The following PPP6R3 variants were observed in gnomAD, a reference collection of about 807,000 sequenced individuals.
PPP6R3 encodes protein phosphatase 6 regulatory subunit 3.
PPP6R3 carries 38 observed loss-of-function variants against 110.7 expected under a neutral mutation model. The ratio of observed to expected loss-of-function variants is 0.34; its 90% CI spans 0.26 to 0.45. The LOEUF is 0.45. Among genes scored for constraint, PPP6R3 ranks in the 20% least tolerant of loss-of-function variants. The pLI is 1.00. For missense variants in PPP6R3, 870 were observed against 1,062.4 expected (o/e 0.82, Z 2.52); for synonymous variants, 369 against 373.5 (o/e 0.99, Z 0.14).
At chr11:68,569,099 G>A (rs780153387) in intron 10 of PPP6R3, among the ~76,000 whole-genome samples, 10 of 152,022 alleles carry the variant, frequency 6.6e-5, no homozygotes, top group Non-Finnish European at 1.3e-4. Context: ...AATTTACCAC[G>A]CTAACTATTT....
intron 1 of PPP6R3, among the ~76,000 whole-genome samples, chr11:68,482,121 G>A (rs1337955409): frequency 1.3e-5 from 2 of 150,042 alleles, no homozygotes; most frequent in African/African-American, 4.9e-5. Context: ...GCTCATGCCT[G>A]TAGTCCCAGC....
chr11:68,558,913 T>G (rs978259339), intron 8 of PPP6R3, among the ~76,000 whole-genome samples: 5 of 152,110 alleles, frequency 3.3e-5, no homozygotes, highest in African/African-American at 1.2e-4. Context: ...TAGTCATATA[T>G]TTTTTTGGTA....
intron 15 of PPP6R3, among the ~76,000 whole-genome samples, chr11:68,585,124 G>A (rs1434626537): frequency 6.6e-6 from 1 of 152,216 alleles, no homozygotes; most frequent in Non-Finnish European, 1.5e-5. Context: ...CCAGTGGGGA[G>A]TGCCTCCAGG....
At chr11:68,476,660 T>A (rs1178201182) in intron 1 of PPP6R3, among the ~76,000 whole-genome samples, 1 of 152,174 alleles carries the variant, frequency 6.6e-6, no homozygotes. Context: ...TATATTCAGA[T>A]TTTCATTATG....
intron 12 of PPP6R3, among the ~76,000 whole-genome samples, chr11:68,571,397 A>G (rs1037253214): frequency 2.0e-5 from 3 of 152,194 alleles, no homozygotes; most frequent in African/African-American, 4.8e-5. Flanking sequence ...TCTAAGAGTT[A>G]TAAGGTTAAA....
rs759209411 is a variant in PPP6R3 at position 68,614,067 on chromosome 11, C to T, written c.*950C>T. The T allele has an allele frequency of 1.8e-4, 173 of 985,684 alleles. No homozygotes were observed. The highest frequency in any genetic ancestry group is 2.0e-4 in the Non-Finnish European group (166 of 829,960). The allele number at this position is 985,684 out of a possible 1,614,324, so 61.1% of individuals were successfully genotyped here. On this transcript the variant is annotated 3_prime_UTR_variant, in exon 24 of 24. Transcript: ENST00000393800. ...CAGACCTAAAATAAATCCTATTAGG[C>T]AAGTCAGTTGAAAATGCTCGTGCTG...
intron 11 of PPP6R3, among the ~76,000 whole-genome samples, chr11:68,570,788 T>C (rs1273843921): frequency 6.6e-6 from 1 of 152,232 alleles, no homozygotes; most frequent in East Asian, 1.9e-4. Flanking sequence ...TAGTTAACTA[T>C]AGGTAGTTAA....
chr11:68,493,254 A>G (rs1486143722), intron 1 of PPP6R3, among the ~76,000 whole-genome samples: 1 of 152,200 alleles, frequency 6.6e-6, no homozygotes, highest in East Asian at 1.9e-4. Flanking sequence ...GGGAAGGATA[A>G]CAGTTATTTT....
At chr11:68,487,978 A>G (rs1422005650) in intron 1 of PPP6R3, among the ~76,000 whole-genome samples, 1 of 152,172 alleles carries the variant, frequency 6.6e-6, no homozygotes, top group African/African-American at 2.4e-5. Context: ...TCCAACTATA[A>G]TAGTAGATTC....
chr11:68,581,944 G>A (rs1316096752), intron 14 of PPP6R3, among the ~76,000 whole-genome samples: 1 of 152,198 alleles, frequency 6.6e-6, no homozygotes, highest in African/African-American at 2.4e-5. Context: ...AAGATGGTTG[G>A]GGAAAGGAAG....
At chr11:68,483,247 A>G (rs910569192) in intron 1 of PPP6R3, among the ~76,000 whole-genome samples, 1 of 152,256 alleles carries the variant, frequency 6.6e-6, no homozygotes. Context: ...TTGCTTTTAA[A>G]TTCTATAAAT....
chr11:68,496,019 C>T (rs1176034610), intron 1 of PPP6R3, among the ~76,000 whole-genome samples: 1 of 152,160 alleles, frequency 6.6e-6, no homozygotes, highest in Non-Finnish European at 1.5e-5. Context: ...GCGTCTCACT[C>T]TGTTGCCCAG....
intron 1 of PPP6R3, among the ~76,000 whole-genome samples, chr11:68,465,506 A>G (rs1169066328): frequency 6.6e-6 from 1 of 152,254 alleles, no homozygotes; most frequent in Non-Finnish European, 1.5e-5. Context: ...AAATGTTAAT[A>G]TCTGAAGTTA....
intron 1 of PPP6R3, among the ~76,000 whole-genome samples, chr11:68,478,647 G>GTTTTTTTT (rs769296530): frequency 0.2 from 10,003 of 50,336 alleles, 4,066 homozygotes; most frequent in South Asian, 0.37. Flanking sequence ...CACTTGGTAA[G>GTTTTTTTT]TTTTTTTTTT....
intron 20 of PPP6R3, among the ~76,000 whole-genome samples, chr11:68,601,286 C>G (rs909680844): frequency 6.6e-6 from 1 of 152,142 alleles, no homozygotes; most frequent in African/African-American, 2.4e-5. Context: ...CAGCTTGCTT[C>G]TCTTTACCCT....
intron 8 of PPP6R3, among the ~76,000 whole-genome samples, chr11:68,562,453 A>G (rs373552700): frequency 6.6e-6 from 1 of 152,358 alleles, no homozygotes. Context: ...AAACTTGCAC[A>G]AGAATCAAAG....
intron 2 of PPP6R3, among the ~76,000 whole-genome samples, chr11:68,523,054 T>G (rs2099171576): frequency 6.6e-6 from 1 of 152,244 alleles, no homozygotes; most frequent in Non-Finnish European, 1.5e-5. Context: ...TGGCTTCTAA[T>G]TATGAAGAGG....
Position 68,602,714 on chromosome 11 carries a change from C to T in PPP6R3, c.2300-628C>T, listed in dbSNP as rs907970361. On this transcript the variant is annotated intron_variant, in intron 21 of 23. Coordinates refer to ENST00000393800, the MANE Select transcript of PPP6R3 (RefSeq NM_001164161.2). The stretch of plus-strand genomic sequence containing the variant: ...TCCTCCTGAACATTTGATACAGATT[C>T]CCGCATTTGACTCCTCAGTGGTTCT... Among the ~76,000 whole-genome samples, 10 of 152,132 alleles carry T rather than the reference C, an allele frequency of 6.6e-5. No individual in the cohort carries two copies. In the East Asian group the frequency reaches 1.9e-3, roughly 29 times the overall value.
intron 14 of PPP6R3, among the ~76,000 whole-genome samples, chr11:68,578,123 G>A (rs570813858): frequency 6.6e-6 from 1 of 152,228 alleles, no homozygotes; most frequent in Admixed American, 6.5e-5. Context: ...GCTATTCCAA[G>A]TGTTTAATAT....
Sources: gnomAD v4.1 joint callset for allele counts (sites outside exome capture counted in the v4.1 genomes callset) on GRCh38, gnomAD v4.1.1 for gene constraint, MANE v1.5 for transcripts, NCBI Gene and HGNC (gene_info 2026-07-23, HGNC 2026-07-21) for gene names.